FAF1: variants seen among roughly 807,000 people sequenced by gnomAD.
The protein encoded by FAF1 is FAS-associated factor 1.
A neutral mutation model predicts 92.5 loss-of-function variants in FAF1; 25 were observed. The ratio of observed to expected loss-of-function variants is 0.27; its 90% CI spans 0.20 to 0.38. The LOEUF (loss-of-function observed/expected upper bound fraction) is 0.38. Ranked by LOEUF, FAF1 falls within the 10% of genes least tolerant of loss-of-function variation. FAF1 has a pLI of 1.00. For synonymous variants in FAF1, 234 were observed against 273.2 expected (o/e 0.86, Z 1.42); for missense variants, 636 against 793.3 (o/e 0.80, Z 2.38).
At chr1:50,472,105 G>A (rs1233200374) in intron 18 of FAF1, among the ~76,000 whole-genome samples, 2 of 151,952 alleles carry the variant, frequency 1.3e-5, no homozygotes, top group African/African-American at 4.8e-5. Flanking sequence ...TTGGGCTACC[G>A]TAGGTCTGGA....
chr1:50,445,997 A>G (rs574460939), intron 18 of FAF1, among the ~76,000 whole-genome samples: 5 of 152,292 alleles, frequency 3.3e-5, no homozygotes, highest in Non-Finnish European at 5.9e-5. Flanking sequence ...CCTGGGCTTC[A>G]GTTCCTTTTC....
intron 6 of FAF1, among the ~76,000 whole-genome samples, chr1:50,710,826 T>C (rs1461870044): frequency 4.6e-5 from 7 of 151,792 alleles, no homozygotes; most frequent in African/African-American, 2.4e-5. Context: ...ATGGTCTCAA[T>C]TTCCTGACCT....
chr1:50,576,349 A>G (rs1009678374), intron 12 of FAF1, among the ~76,000 whole-genome samples: 1 of 152,206 alleles, frequency 6.6e-6, no homozygotes, highest in Non-Finnish European at 1.5e-5. Context: ...TAATTTATGT[A>G]TAATATTTGG....
intron 4 of FAF1, among the ~76,000 whole-genome samples, chr1:50,759,046 G>A (rs563879366): frequency 1.3e-5 from 2 of 152,026 alleles, no homozygotes; most frequent in Non-Finnish European, 2.9e-5. Flanking sequence ...GTTTCACTGT[G>A]TTAGCCAGGA....
intron 4 of FAF1, among the ~76,000 whole-genome samples, chr1:50,775,277 C>A (rs1231445800): frequency 2.0e-5 from 3 of 152,030 alleles, no homozygotes; most frequent in Non-Finnish European, 2.9e-5. Context: ...GTTTCCTCAA[C>A]AAGCACTACT....
At chr1:50,497,640 C>G (rs571019740) in intron 15 of FAF1, among the ~76,000 whole-genome samples, 9 of 148,196 alleles carry the variant, frequency 6.1e-5, no homozygotes, top group African/African-American at 1.0e-4. Context: ...CCTCCACCCC[C>G]CCAGGTTTAA....
intron 2 of FAF1, among the ~76,000 whole-genome samples, chr1:50,832,931 C>G (rs1457949461): frequency 6.6e-6 from 1 of 152,156 alleles, no homozygotes; most frequent in East Asian, 1.9e-4. Context: ...TTTAAGTCAA[C>G]ATAGGCTTCA....
intron 1 of FAF1, among the ~76,000 whole-genome samples, chr1:50,889,674 T>G (rs1644702762): frequency 6.6e-6 from 1 of 152,252 alleles, no homozygotes. Context: ...GTTGAGCAGT[T>G]TTGAGTGAGT....
At chr1:50,614,726 C>T (rs1652828721) in intron 8 of FAF1, among the ~76,000 whole-genome samples, 1 of 151,366 alleles carries the variant, frequency 6.6e-6, no homozygotes, top group Non-Finnish European at 1.5e-5. Flanking sequence ...GTAATCCCAG[C>T]TACTAGGGAG....
Position 50,903,615 on chromosome 1 carries a change from T to C in FAF1, c.46-45618A>G, listed in dbSNP as rs55954520. Among the ~76,000 whole-genome samples the C allele has an allele frequency of 5.7e-3, 863 of 152,110 alleles. 6 individuals carry two copies. Among genetic ancestry groups the C allele is most frequent in the African/African-American group, 0.02 (827 of 41,516 alleles). ...GGCACCTAATAAAAATGGCAATAAA[T>C]AGAGGACATCAGGAGAAAAAGGGAA... On this transcript the variant is annotated intron_variant, in intron 1 of 18. Coordinates refer to ENST00000396153, the MANE Select transcript of FAF1 (RefSeq NM_007051.3).
At chr1:50,742,126 T>G (rs1280603757) in intron 5 of FAF1, among the ~76,000 whole-genome samples, 3 of 150,102 alleles carry the variant, frequency 2.0e-5, no homozygotes, top group Non-Finnish European at 4.4e-5. Context: ...CTGGAAAACA[T>G]AGCAAGACCC....
intron 1 of FAF1, among the ~76,000 whole-genome samples, chr1:50,958,732 G>C (rs1645291225): frequency 6.6e-6 from 1 of 151,422 alleles, no homozygotes. Context: ...TAATAGAACA[G>C]AGAGAGAGAA....
At chr1:50,926,125 G>A (rs1321165558) in intron 1 of FAF1, among the ~76,000 whole-genome samples, 1 of 152,162 alleles carries the variant, frequency 6.6e-6, no homozygotes, top group South Asian at 2.1e-4. Flanking sequence ...ACTGAGGGGG[G>A]AGGATCGCTT....
intron 7 of FAF1, among the ~76,000 whole-genome samples, chr1:50,689,882 C>G (rs995725472): frequency 6.6e-6 from 1 of 151,716 alleles, no homozygotes; most frequent in South Asian, 2.1e-4. Context: ...ACAACAAAAA[C>G]AAATTTGTAC....
intron 1 of FAF1, among the ~76,000 whole-genome samples, chr1:50,936,939 G>A (rs1231596479): frequency 5.9e-5 from 9 of 152,056 alleles, no homozygotes; most frequent in African/African-American, 2.2e-4. Context: ...GGAGTCAGAC[G>A]AAGCAGAGAT....
chr1:50,534,463 A>G (rs145969799), intron 15 of FAF1, among the ~76,000 whole-genome samples: 3,234 of 152,010 alleles, frequency 0.021, 53 homozygotes, highest in Non-Finnish European at 0.029. Context: ...TTGTATTTTT[A>G]GTAGAGATGG....
intron 6 of FAF1, among the ~76,000 whole-genome samples, chr1:50,713,155 C>CAA (rs371395514): frequency 0.011 from 486 of 45,872 alleles, 3 homozygotes; most frequent in Middle Eastern, 0.032. Flanking sequence ...GCCAGACCCT[C>CAA]AAAAAAAAAA....
At chr1:50,760,761 C>T (rs544722189) in intron 4 of FAF1, among the ~76,000 whole-genome samples, 1 of 152,098 alleles carries the variant, frequency 6.6e-6, no homozygotes, top group African/African-American at 2.4e-5. Flanking sequence ...GACACCCTAA[C>T]ATCACAATTA....
chr1:50,479,176 A>G (rs1220089907), intron 17 of FAF1, among the ~76,000 whole-genome samples: 2 of 151,682 alleles, frequency 1.3e-5, no homozygotes, highest in Non-Finnish European at 2.9e-5. Flanking sequence ...CCTCATAGGA[A>G]TAGAGCCGAT....
Sources: gnomAD v4.1 joint callset for allele counts (sites outside exome capture counted in the v4.1 genomes callset) on GRCh38, gnomAD v4.1.1 for gene constraint, MANE v1.5 for transcripts, NCBI Gene and HGNC (gene_info 2026-07-23, HGNC 2026-07-21) for gene names.